The following DCC variants were observed in gnomAD, a reference collection of about 807,000 sequenced individuals.
DCC encodes the protein netrin receptor DCC.
Under a neutral mutation model 172.5 loss-of-function variants are expected in DCC, and 58 were observed. The ratio of observed to expected loss-of-function variants is 0.34; its 90% CI spans 0.27 to 0.42. The LOEUF is 0.42. DCC is among the 10% of genes least tolerant of loss of function. DCC has a pLI of 1.00. For missense variants in DCC, 1,740 were observed against 1,791.0 expected, an observed-to-expected ratio of 0.97 and a Z score of 0.51; for synonymous variants, 709 against 644.5, an observed-to-expected ratio of 1.10 and a Z score of -1.52.
intron 7 of DCC, among the ~76,000 whole-genome samples, chr18:53,067,248 C>A (rs1281922330): frequency 6.6e-6 from 1 of 152,218 alleles, no homozygotes; most frequent in Middle Eastern, 3.4e-3. Context: ...AGTCCGGGCA[C>A]AGTGGCTCAT....
chr18:52,752,481 TC>T, intron 2 of DCC, 107 bp downstream of exon 2: 1 of 876,874 alleles, frequency 1.1e-6, no homozygotes, highest in Non-Finnish European at 1.8e-6. Context: ...ATTTTAAAAA[TC>T]TTTTAAATTT....
rs891116124 is a variant in DCC, at chr18:52,634,782, C to T, written c.92-117272C>T. 4.6e-5 allele frequency among the ~76,000 whole-genome samples: 7 copies of T among 152,072 alleles called. No homozygotes were observed. The South Asian group carries it at 1.0e-3, about 23-fold the overall frequency. On this transcript the variant is annotated intron_variant, in intron 1 of 28. Coordinates refer to ENST00000442544, the MANE Select transcript of DCC (RefSeq NM_005215.4). ...AAATCATACTTTCTCACTCTTTTTC[C>T]CCCTTCTGTTTCTGTCCATCTCTGA...
chr18:52,974,404 G>A lies in DCC; in HGVS notation c.985+49034G>A, dbSNP rs147780131. Among the ~76,000 whole-genome samples, 585 of 152,288 alleles carry A rather than the reference G, an allele frequency of 3.8e-3. 2 individuals are homozygous for A. Among genetic ancestry groups the A allele is most frequent in the African/African-American group, 0.012 (506 of 41,550 alleles). On this transcript the variant is annotated intron_variant, in intron 5 of 28. Coordinates refer to ENST00000442544, the MANE Select transcript of DCC (RefSeq NM_005215.4). ...TTAATGAAATGTTGATTGTCAAACA[G>A]AAAATGTGCATTTTGTTGGTTGACG...
At chr18:52,908,975 C>T (rs1271216499) in intron 3 of DCC, among the ~76,000 whole-genome samples, 1 of 151,948 alleles carries the variant, frequency 6.6e-6, no homozygotes, top group Non-Finnish European at 1.5e-5. Context: ...TGCTAGCTGC[C>T]AAATAAAGAA....
At chr18:53,062,320 A>G (rs956091527) in intron 5 of DCC, among the ~76,000 whole-genome samples, 8 of 152,092 alleles carry the variant, frequency 5.3e-5, no homozygotes, top group Non-Finnish European at 1.0e-4. Flanking sequence ...TACAGCAGCT[A>G]CTTAGGCAAA....
chr18:53,036,689 C>T lies in DCC; in HGVS notation c.986-26616C>T, dbSNP rs540452515. Among the ~76,000 whole-genome samples, 133 of 152,140 alleles carry T rather than the reference C, an allele frequency of 8.7e-4. 1 individual carries two copies. Among genetic ancestry groups the T allele is most frequent in the African/African-American group, 3.1e-3 (129 of 41,548 alleles). On this transcript the variant is annotated intron_variant, in intron 5 of 28. Transcript: ENST00000442544. The stretch of plus-strand genomic sequence containing the variant: ...GATAGGTAGCATAGGTAGCTGAATG[C>T]TATTCAATATGCACCCCTAATCCTA...
chr18:53,033,456 T>C (rs1453717462), intron 5 of DCC, among the ~76,000 whole-genome samples: 2 of 152,180 alleles, frequency 1.3e-5, no homozygotes, highest in East Asian at 3.9e-4. Flanking sequence ...TCTCAATTGA[T>C]GACTTTGCTT....
intron 14 of DCC, among the ~76,000 whole-genome samples, 197 bp from the exon 15 acceptor site, chr18:53,339,516 G>C (rs1187878016): frequency 6.6e-6 from 1 of 152,132 alleles, no homozygotes; most frequent in Non-Finnish European, 1.5e-5. Context: ...CGGTATTCTT[G>C]TATGCTTAAG....
chr18:53,195,262 A>G (rs529996572), intron 9 of DCC, among the ~76,000 whole-genome samples: 58 of 152,292 alleles, frequency 3.8e-4, no homozygotes, highest in African/African-American at 1.4e-3. Context: ...GATTTTGTCA[A>G]AAGGCCTTGA....
chr18:53,429,012 T>TTTATATATAATATA (rs1364578000), intron 21 of DCC, among the ~76,000 whole-genome samples: 1,754 of 57,886 alleles, frequency 0.03, 351 homozygotes, highest in African/African-American at 0.1. Flanking sequence ...TAATATATAT[T>TTTATATATAATATA]TTATATATTT....
intron 2 of DCC, among the ~76,000 whole-genome samples, chr18:52,839,389 C>G (rs546317761): frequency 9.2e-5 from 14 of 152,228 alleles, no homozygotes; most frequent in African/African-American, 3.4e-4. Context: ...ATAAGGTGAT[C>G]TTTGTCTCAC....
At chr18:52,684,063 C>T (rs1023899760) in intron 1 of DCC, among the ~76,000 whole-genome samples, 6 of 152,174 alleles carry the variant, frequency 3.9e-5, no homozygotes, top group South Asian at 4.1e-4. Context: ...ATTTCCATGA[C>T]GCTTAAAAAC....
chr18:53,317,269 T>G (rs890761743), intron 13 of DCC, among the ~76,000 whole-genome samples: 1 of 152,232 alleles, frequency 6.6e-6, no homozygotes, highest in African/African-American at 2.4e-5. Context: ...TCTGTTTATG[T>G]GATGGATTAT....
chr18:53,359,583 AC>A (rs1191777469), intron 15 of DCC, among the ~76,000 whole-genome samples: 52 of 152,130 alleles, frequency 3.4e-4, no homozygotes, highest in African/African-American at 1.2e-3. Flanking sequence ...GATATTAGTT[AC>A]TCATTATTTT....
Position 53,495,596 on chromosome 18 carries a change from A to G in DCC, c.3899-3702A>G, listed in dbSNP as rs143314838. On this transcript the variant is annotated intron_variant, in intron 26 of 28. Transcript: ENST00000442544. ...TGGTGAATCTGACAATTTGACGATT[A>G]TGTGCCTTGGGGTAGCTGTTCTCGA... 3.8e-3 allele frequency among the ~76,000 whole-genome samples: 585 copies of G among 152,096 alleles called. 5 individuals are homozygous for G. Among genetic ancestry groups the G allele is most frequent in the African/African-American group, 0.01 (428 of 41,494 alleles).
intron 2 of DCC, among the ~76,000 whole-genome samples, chr18:52,765,092 G>C (rs1416488550): frequency 1.3e-5 from 2 of 149,300 alleles, no homozygotes; most frequent in East Asian, 3.9e-4. Flanking sequence ...GCAGTGATGT[G>C]ATCTCAGCTC....
intron 2 of DCC, among the ~76,000 whole-genome samples, chr18:52,820,590 A>G (rs1007355907): frequency 6.6e-6 from 1 of 152,178 alleles, no homozygotes; most frequent in Non-Finnish European, 1.5e-5. Flanking sequence ...AGAATTGAAC[A>G]GGATGAAAAG....
intron 17 of DCC, among the ~76,000 whole-genome samples, chr18:53,393,311 T>C (rs1000629085): frequency 2.0e-5 from 3 of 152,204 alleles, no homozygotes; most frequent in Non-Finnish European, 1.5e-5. Context: ...CAGATTTTAG[T>C]TGAAACCATT....
At chr18:52,811,689 T>C (rs1034794260) in intron 2 of DCC, among the ~76,000 whole-genome samples, 1 of 152,168 alleles carries the variant, frequency 6.6e-6, no homozygotes, top group South Asian at 2.1e-4. Flanking sequence ...TTATAAATTA[T>C]AAGAAGAGAT....
Sources: allele counts gnomAD v4.1 joint callset (sites outside exome capture counted in the v4.1 genomes callset), GRCh38; gene constraint gnomAD v4.1.1; transcripts MANE v1.5; gene names NCBI Gene and HGNC (gene_info 2026-07-23, HGNC 2026-07-21).